The following PIAS2 variants were observed in gnomAD, a reference collection of about 807,000 sequenced individuals.
The protein encoded by PIAS2 is protein inhibitor of activated STAT 2.
Under a neutral mutation model 69.7 loss-of-function variants are expected in PIAS2, and 19 were observed. The observed-to-expected ratio is 0.27, with a 90% CI of 0.19 to 0.40. PIAS2 has a LOEUF of 0.40. PIAS2 is among the 10% of genes least tolerant of loss of function. The probability of loss-of-function intolerance (pLI) is 1.00; values close to 1 mark genes in which losing one functional copy is unlikely to be tolerated. For synonymous variants in PIAS2, 261 were observed against 263.2 expected, an observed-to-expected ratio of 0.99 and a Z score of 0.08; for missense variants, 624 against 757.0, an observed-to-expected ratio of 0.82 and a Z score of 2.06.
chr18:46,830,469 ATTAT>A (rs962511851), intron 9 of PIAS2, among the ~76,000 whole-genome samples: 7 of 152,092 alleles, frequency 4.6e-5, no homozygotes, highest in Admixed American at 2.6e-4. Flanking sequence ...TGTGGACTGT[ATTAT>A]TTAAACACTG....
At chr18:46,862,684 C>CATAT (rs1199276964) in intron 3 of PIAS2, among the ~76,000 whole-genome samples, 1 of 148,188 alleles carries the variant, frequency 6.7e-6, no homozygotes, top group Non-Finnish European at 1.5e-5. Flanking sequence ...TATATATACA[C>CATAT]ACACACATAT....
chr18:46,871,452 G>A (rs1177843831), intron 2 of PIAS2, among the ~76,000 whole-genome samples: 7 of 152,168 alleles, frequency 4.6e-5, no homozygotes, highest in South Asian at 2.1e-4. Context: ...GGGAGGGAGG[G>A]AGGACAAAAT....
intron 2 of PIAS2, among the ~76,000 whole-genome samples, chr18:46,865,685 C>A (rs1031654715): frequency 6.6e-6 from 1 of 152,130 alleles, no homozygotes; most frequent in South Asian, 2.1e-4. Context: ...CTAAAATATT[C>A]TTTTCTATAA....
intron 1 of PIAS2, among the ~76,000 whole-genome samples, chr18:46,894,591 T>C (rs1403446088): frequency 6.6e-6 from 1 of 152,212 alleles, no homozygotes; most frequent in Non-Finnish European, 1.5e-5. Flanking sequence ...TGTAAAAAGA[T>C]ACGTAATCTA....
At chr18:46,894,695 T>G (rs916835528) in intron 1 of PIAS2, among the ~76,000 whole-genome samples, 4 of 152,152 alleles carry the variant, frequency 2.6e-5, no homozygotes, top group Non-Finnish European at 5.9e-5. Context: ...TTATTAAAAA[T>G]TTTAAAGCTG....
chr18:46,850,140 A>G (rs756560109), intron 5 of PIAS2, among the ~76,000 whole-genome samples: 4 of 152,312 alleles, frequency 2.6e-5, no homozygotes, highest in South Asian at 2.1e-4. Context: ...TAATATGTAT[A>G]TATCTACCAG....
intron 13 of PIAS2, 36 bp downstream of exon 13, chr18:46,815,276 A>T (rs2041386956): frequency 6.3e-7 from 1 of 1,576,398 alleles, no homozygotes; most frequent in Admixed American, 1.7e-5. Context: ...ACCAACAATC[A>T]AATACAAATT....
chr18:46,907,218 C>T (rs770463013), intron 1 of PIAS2, among the ~76,000 whole-genome samples: 5 of 152,078 alleles, frequency 3.3e-5, no homozygotes, highest in Admixed American at 6.6e-5. Context: ...TGAACTCCTA[C>T]GAATCAGTAT....
intron 2 of PIAS2, among the ~76,000 whole-genome samples, chr18:46,871,753 TTAGAAGACAC>T (rs766623773): frequency 3.3e-5 from 5 of 152,174 alleles, no homozygotes; most frequent in Non-Finnish European, 7.3e-5. Context: ...AGCAAGAATC[TTAGAAGACAC>T]AGAGGTCAAA....
chr18:46,885,328 C>T (rs1340463531), intron 2 of PIAS2, among the ~76,000 whole-genome samples: 1 of 151,826 alleles, frequency 6.6e-6, no homozygotes, highest in East Asian at 1.9e-4. Context: ...ACGAACCTGG[C>T]CAACATAGTG....
chr18:46,840,567 C>T (rs557589052), intron 8 of PIAS2, among the ~76,000 whole-genome samples: 58 of 152,284 alleles, frequency 3.8e-4, no homozygotes, highest in African/African-American at 1.2e-3. Flanking sequence ...ATTTCCACAG[C>T]ATACAGAAAC....
chr18:46,915,838 C>T (rs759425538), intron 1 of PIAS2, among the ~76,000 whole-genome samples: 1 of 150,282 alleles, frequency 6.7e-6, no homozygotes, highest in Non-Finnish European at 1.5e-5. Flanking sequence ...TCTGTTACTA[C>T]ACAAAAATTA....
chr18:46,837,025 C>T (rs1480852535), intron 8 of PIAS2, among the ~76,000 whole-genome samples: 1 of 152,120 alleles, frequency 6.6e-6, no homozygotes, highest in African/African-American at 2.4e-5. Context: ...TTAATCAGTA[C>T]ACTAATGACT....
At chr18:46,852,017 G>T (rs2047040676) in intron 5 of PIAS2, among the ~76,000 whole-genome samples, 1 of 152,162 alleles carries the variant, frequency 6.6e-6, no homozygotes, top group South Asian at 2.1e-4. Flanking sequence ...GCTTGTTGAT[G>T]CTTCTTAAAA....
intron 2 of PIAS2, among the ~76,000 whole-genome samples, chr18:46,876,519 T>A (rs906410636): frequency 1.3e-5 from 2 of 152,144 alleles, no homozygotes; most frequent in Admixed American, 6.5e-5. Context: ...TAGAATAGCA[T>A]TAGACATGAT....
intron 2 of PIAS2, among the ~76,000 whole-genome samples, chr18:46,866,156 C>A (rs1489703062): frequency 6.6e-6 from 1 of 152,112 alleles, no homozygotes; most frequent in African/African-American, 2.4e-5. Flanking sequence ...AAGAAAACTA[C>A]TTGCAGAAAT....
chr18:46,888,065 TAATAATA>T (rs1441935155), intron 2 of PIAS2, among the ~76,000 whole-genome samples: 1 of 152,090 alleles, frequency 6.6e-6, no homozygotes, highest in Non-Finnish European at 1.5e-5. Context: ...TTTTATAAAC[TAATAATA>T]AATATGATGA....
chr18:46,883,229 AT>A (rs2145883830), intron 2 of PIAS2, among the ~76,000 whole-genome samples: 2 of 152,326 alleles, frequency 1.3e-5, no homozygotes, highest in South Asian at 4.1e-4. Flanking sequence ...CTTTCTTATG[AT>A]TTTTGATTCC....
chr18:46,835,807 A>T (rs1307529492), intron 9 of PIAS2, among the ~76,000 whole-genome samples: 3 of 152,200 alleles, frequency 2.0e-5, no homozygotes, highest in Non-Finnish European at 4.4e-5. Flanking sequence ...CTTACATGGT[A>T]CATGGATGAC....
Sources: allele counts gnomAD v4.1 joint callset (sites outside exome capture counted in the v4.1 genomes callset), GRCh38; gene constraint gnomAD v4.1.1; transcripts MANE v1.5; gene names NCBI Gene and HGNC (gene_info 2026-07-23, HGNC 2026-07-21).